IFT122: variants seen among roughly 807,000 people sequenced by gnomAD.
IFT122 encodes the protein intraflagellar transport protein 122 homolog.
IFT122 carries 118 observed loss-of-function variants against 161.6 expected under a neutral mutation model. That is an observed-to-expected ratio of 0.73 (90% confidence interval 0.63 to 0.85). The LOEUF (loss-of-function observed/expected upper bound fraction) is 0.85, where lower values mean the gene tolerates loss of function less well. Among genes scored for constraint, IFT122 ranks in the 40% least tolerant of loss-of-function variants. IFT122 has a pLI of 0.00. For synonymous variants in IFT122, 550 were observed against 602.4 expected (o/e 0.91, Z 1.27); for missense variants, 1,381 against 1,579.6 (o/e 0.87, Z 2.13).
At chr3:129,519,950 G>A (rs543991002) in intron 29 of IFT122, among the ~76,000 whole-genome samples, 5 of 152,080 alleles carry the variant, frequency 3.3e-5, no homozygotes, top group Non-Finnish European at 7.4e-5. Flanking sequence ...CAAATCCTGG[G>A]GGCCCAGCAA....
At chr3:129,457,620 T>C (rs2075670762) in intron 3 of IFT122, among the ~76,000 whole-genome samples, 1 of 152,200 alleles carries the variant, frequency 6.6e-6, no homozygotes, top group Non-Finnish European at 1.5e-5. Context: ...CCAGGAGATG[T>C]TGACCAAAGG....
Position 129,507,627 on chromosome 3 carries a change from CTGTT to C in IFT122, c.2792-38_2792-35del, listed in dbSNP as rs758084884. The C allele has an allele frequency of 3.3e-5, 51 of 1,528,676 alleles. No individual in the cohort carries two copies. In the South Asian group the frequency reaches 5.1e-4, roughly 15 times the overall value. 94.7% of individuals were successfully genotyped at this position (1,528,676 alleles called of 1,614,324 possible). A position where few individuals can be genotyped will look rare whatever the true frequency, so the allele number is the denominator to read the frequency against. ...TGGGGCCAGTTGGCAGCCACAGACA[CTGTT>C]TGACACGTTTCCCCTCCCACCCGCT... On this transcript the variant is annotated intron_variant, in intron 22 of 29. Coordinates refer to ENST00000348417, the MANE Select transcript of IFT122 (RefSeq NM_052989.3).
At chr3:129,466,452 T>G (rs904734852) in intron 7 of IFT122, among the ~76,000 whole-genome samples, 1 of 151,362 alleles carries the variant, frequency 6.6e-6, no homozygotes, top group Non-Finnish European at 1.5e-5. Flanking sequence ...GCTGTCCTCC[T>G]CCAGGTAGGG....
intron 3 of IFT122, among the ~76,000 whole-genome samples, chr3:129,455,180 T>G (rs945140158): frequency 6.9e-6 from 1 of 145,334 alleles, no homozygotes; most frequent in Non-Finnish European, 1.5e-5. Context: ...GTTTTTTTTG[T>G]TTTTTTTTTT....
rs2084588345 is a variant in IFT122, at chr3:129,520,187, TG to T, written c.3649del (p.Glu1217ArgfsTer45). On this transcript the variant is annotated frameshift_variant, in exon 30 of 30. Coordinates refer to ENST00000348417, the MANE Select transcript of IFT122 (RefSeq NM_052989.3). LOFTEE classifies it high-confidence loss of function. ...CPSCFQMFHS[E>X]DYELLVLQHG... ...CTGTCTTCCCTTAGATGTTCCATTC[TG>T]AGGACTATGAGTTGCTGGTGCTTCA... is the stretch of plus-strand genomic sequence containing the variant. The T allele has an allele frequency of 6.2e-7, 1 of 1,612,092 alleles. No homozygotes were observed. Among genetic ancestry groups the T allele is most frequent in the Non-Finnish European group, 8.5e-7 (1 of 1,179,852 alleles).
At chr3:129,516,305 CACA>C (rs2083577199) in intron 26 of IFT122, among the ~76,000 whole-genome samples, 1 of 130,000 alleles carries the variant, frequency 7.7e-6, no homozygotes, top group Admixed American at 7.3e-5. Context: ...CACACACACA[CACA>C]GAGACTGCCC....
Position 129,440,279 on chromosome 3 carries a change from G to T in IFT122, c.-52G>T. 6.5e-7 allele frequency: 1 copy of T among 1,548,976 alleles called. No homozygotes were observed. Among genetic ancestry groups the T allele is most frequent in the East Asian group, 2.4e-5 (1 of 40,914 alleles). On this transcript the variant is annotated 5_prime_UTR_variant, in exon 1 of 30. Coordinates refer to ENST00000348417, the MANE Select transcript of IFT122 (RefSeq NM_052989.3). Reference sequence around the variant, plus strand: ...GGCGACCGTTAGTGAGGCGGTTGCTGAGACAGACGCTGAGGCGGGTAGGAG... The same window carrying T: ...GGCGACCGTTAGTGAGGCGGTTGCTTAGACAGACGCTGAGGCGGGTAGGAG...
At position 129,480,030 on chromosome 3, in the gene IFT122, C is replaced by T. The variant is rs116264845; in HGVS notation, c.1488+108C>T. The T allele has an allele frequency of 1.8e-3, 2,455 of 1,361,138 alleles. 27 individuals carry two copies. In the African/African-American group the frequency reaches 0.031, roughly 17 times the overall value. The allele number at this position is 1,361,138 out of a possible 1,614,324, so 84.3% of individuals were successfully genotyped here. On this transcript the variant is annotated intron_variant, in intron 13 of 29. Coordinates refer to ENST00000348417, the MANE Select transcript of IFT122 (RefSeq NM_052989.3). Reference sequence around the variant, plus strand: ...GGTTCTCAGGGCAGGAAAAGGGCTTCTCTCCTCCATGGGTGAATTGTGGGG... The same window carrying T: ...GGTTCTCAGGGCAGGAAAAGGGCTTTTCTCCTCCATGGGTGAATTGTGGGG...
intron 1 of IFT122, among the ~76,000 whole-genome samples, chr3:129,442,777 A>G (rs147181689): frequency 1.2e-3 from 184 of 152,166 alleles, no homozygotes; most frequent in African/African-American, 4.0e-3. Flanking sequence ...GTGATTCCCA[A>G]TTACTTTCCA....
chr3:129,456,454 C>G (rs1294397881), intron 3 of IFT122, among the ~76,000 whole-genome samples: 1 of 151,924 alleles, frequency 6.6e-6, no homozygotes, highest in African/African-American at 2.4e-5. Flanking sequence ...CTGGCCAACA[C>G]AGTGAAACCT....
chr3:129,504,384 G>C lies in IFT122; in HGVS notation c.2613G>C (p.Trp871Cys), dbSNP rs2081969977. ...KDDIYMPYAQ[W>C]LAENDRFEEA... ...ACATCTACATGCCGTATGCTCAGTG[G>C]CTAGCAGAGAACGATCGCTTTGAGG... The change falls in exon 21 of 30, where the codon TGG becomes TGC. Residue 871 changes from tryptophan (W) to cysteine (C), a missense_variant. Physicochemically the swap from Trp to Cys is radical, Grantham distance 215. Around this residue, in one of 7 missense-constraint regions of IFT122, gnomAD observed 496 missense variants for 502.5 expected, o/e 0.99. Coordinates refer to ENST00000348417, the MANE Select transcript of IFT122 (RefSeq NM_052989.3). The C allele has an allele frequency of 6.2e-7, 1 of 1,614,002 alleles. No homozygotes were observed. The highest frequency in any genetic ancestry group is 1.3e-5 in the African/African-American group (1 of 74,932).
At chr3:129,508,664 A>T (rs1350984190) in intron 23 of IFT122, among the ~76,000 whole-genome samples, 3 of 152,260 alleles carry the variant, frequency 2.0e-5, no homozygotes, top group Non-Finnish European at 4.4e-5. Flanking sequence ...TTTCTGTAGC[A>T]TAAAAATCCA....
chr3:129,470,074 G>C (rs185139504), intron 9 of IFT122, among the ~76,000 whole-genome samples: 1 of 152,072 alleles, frequency 6.6e-6, no homozygotes, highest in Admixed American at 6.5e-5. Context: ...TTAGGCTAAG[G>C]ACATTGGGAA....
chr3:129,489,597 T>G (rs1256039055), intron 16 of IFT122, among the ~76,000 whole-genome samples: 1 of 152,024 alleles, frequency 6.6e-6, no homozygotes, highest in Middle Eastern at 3.2e-3. Flanking sequence ...CCTAGCACTT[T>G]GGGAGGCCGA....
At chr3:129,449,475 G>C (rs1048572244) in intron 1 of IFT122, among the ~76,000 whole-genome samples, 1 of 152,202 alleles carries the variant, frequency 6.6e-6, no homozygotes, top group Admixed American at 6.5e-5. Flanking sequence ...ATTATGATCT[G>C]TTCATATCTG....
At chr3:129,445,693 A>G (rs2107837366) in intron 1 of IFT122, among the ~76,000 whole-genome samples, 1 of 152,344 alleles carries the variant, frequency 6.6e-6, no homozygotes, top group South Asian at 2.1e-4. Context: ...TGGCCCTTGC[A>G]CTTGCTAGTT....
chr3:129,514,239 CA>C (rs1465984101), intron 24 of IFT122, 149 bp from the exon 25 acceptor site: 25 of 838,478 alleles, frequency 3.0e-5, no homozygotes, highest in Non-Finnish European at 5.0e-5. Context: ...TCACCTCTCA[CA>C]AGCGCACAGA....
Position 129,483,554 on chromosome 3 carries a change from T to C in IFT122, c.1723T>C (p.Tyr575His), listed in dbSNP as rs61746791. Residue 575 changes from tyrosine (Y) to histidine (H), a missense_variant, in exon 15 of 30, where the codon TAC becomes CAC. By Grantham distance (83) the Tyr-to-His change is moderately conservative. Around this residue, in one of 7 missense-constraint regions of IFT122, gnomAD observed 544 missense variants for 648.0 expected, o/e 0.84. Transcript: ENST00000348417. ...CATGCTCTGCTTCTCGGGAGGAGGC[T>C]ACCTCAACATCAAAGCCAGCACCTT... ...EDMLCFSGGG[Y>H]LNIKASTFPV... 2.5e-6 allele frequency: 4 copies of C among 1,614,084 alleles called. No individual in the cohort carries two copies. In the East Asian group the frequency reaches 8.9e-5, roughly 36 times the overall value.
chr3:129,515,157 G>C (rs574781623), intron 25 of IFT122: 1 of 474,310 alleles, frequency 2.1e-6, no homozygotes, highest in Admixed American at 3.4e-5. Context: ...TATAGTCCAC[G>C]TGCTCCGCAC....
Sources: gnomAD v4.1 joint callset for allele counts (sites outside exome capture counted in the v4.1 genomes callset) on GRCh38, gnomAD v4.1.1 for gene constraint, gnomAD v4.1.1 regional missense constraint, MANE v1.5 for transcripts, NCBI Gene and HGNC (gene_info 2026-07-23, HGNC 2026-07-21) for gene names.